ATP8A2: variants seen among roughly 807,000 people sequenced by gnomAD.
ATP8A2 encodes ATPase phospholipid transporting 8A2.
In ATP8A2, 100 loss-of-function variants were observed where a neutral mutation model predicts 165.6. The ratio of observed to expected loss-of-function variants is 0.60; its 90% CI spans 0.51 to 0.71. The LOEUF (loss-of-function observed/expected upper bound fraction) is 0.71. Ranked by LOEUF, ATP8A2 falls within the 30% of genes least tolerant of loss-of-function variation. The probability of loss-of-function intolerance (pLI) is 0.00; values close to 1 mark genes in which losing one functional copy is unlikely to be tolerated. For synonymous variants in ATP8A2, 543 were observed against 548.8 expected, an observed-to-expected ratio of 0.99 and a Z score of 0.15; for missense variants, 1,227 against 1,479.5, an observed-to-expected ratio of 0.83 and a Z score of 2.80.
intron 25 of ATP8A2, among the ~76,000 whole-genome samples, chr13:25,754,888 CA>C (rs1292055928): frequency 1.3e-5 from 2 of 152,010 alleles, no homozygotes; most frequent in Non-Finnish European, 2.9e-5. Flanking sequence ...TAGGCTTTTT[CA>C]AAATTTGTTT....
At chr13:25,884,362 C>T (rs1953076989) in intron 33 of ATP8A2, among the ~76,000 whole-genome samples, 1 of 152,186 alleles carries the variant, frequency 6.6e-6, no homozygotes, top group Admixed American at 6.5e-5. Flanking sequence ...CCCTGCCACT[C>T]ACCACCCACA....
intron 30 of ATP8A2, among the ~76,000 whole-genome samples, chr13:25,857,414 A>C (rs1026047053): frequency 6.6e-6 from 1 of 152,076 alleles, no homozygotes; most frequent in Admixed American, 6.5e-5. Context: ...TTACACTGTC[A>C]CCCAGGCTGG....
chr13:25,416,019 G>A (rs765124759), intron 1 of ATP8A2, among the ~76,000 whole-genome samples: 7 of 152,126 alleles, frequency 4.6e-5, no homozygotes, highest in Non-Finnish European at 1.0e-4. Flanking sequence ...GTAGAGATGA[G>A]GTCTTACTAT....
intron 25 of ATP8A2, among the ~76,000 whole-genome samples, chr13:25,744,165 ATTCT>A (rs2043977343): frequency 6.6e-6 from 1 of 152,122 alleles, no homozygotes; most frequent in Non-Finnish European, 1.5e-5. Context: ...CAATTGCCCG[ATTCT>A]TTTTCATTTT....
chr13:25,857,269 C>T (rs1274425116), intron 30 of ATP8A2, among the ~76,000 whole-genome samples: 1 of 152,226 alleles, frequency 6.6e-6, no homozygotes, highest in African/African-American at 2.4e-5. Flanking sequence ...AACTCTCTCC[C>T]TCGTACCATT....
At chr13:25,908,608 G>T (rs1184377201) in intron 33 of ATP8A2, among the ~76,000 whole-genome samples, 1 of 152,224 alleles carries the variant, frequency 6.6e-6, no homozygotes, top group African/African-American at 2.4e-5. Context: ...GGCTGCTACA[G>T]TTGCTGAATG....
At chr13:25,951,541 A>G (rs1955360756) in intron 33 of ATP8A2, among the ~76,000 whole-genome samples, 1 of 152,216 alleles carries the variant, frequency 6.6e-6, no homozygotes, top group Non-Finnish European at 1.5e-5. Flanking sequence ...GAAATGTTCT[A>G]TATTTTGTTT....
At chr13:25,646,494 A>G (rs527511670) in intron 24 of ATP8A2, among the ~76,000 whole-genome samples, 1 of 152,014 alleles carries the variant, frequency 6.6e-6, no homozygotes, top group South Asian at 2.1e-4. Context: ...TCTCTACTAA[A>G]AATACAAAAA....
chr13:25,746,417 G>A (rs2044032660), intron 25 of ATP8A2, among the ~76,000 whole-genome samples: 1 of 152,230 alleles, frequency 6.6e-6, no homozygotes, highest in Non-Finnish European at 1.5e-5. Context: ...GGCAAATAAA[G>A]TTCTGCAGAA....
chr13:25,557,260 C>G (rs1251988555), intron 13 of ATP8A2, among the ~76,000 whole-genome samples: 3 of 152,156 alleles, frequency 2.0e-5, no homozygotes, highest in Non-Finnish European at 4.4e-5. Context: ...TGGCACAGAG[C>G]ACAAATCCTC....
chr13:25,542,649 T>C (rs2038519178), intron 9 of ATP8A2, among the ~76,000 whole-genome samples: 1 of 152,100 alleles, frequency 6.6e-6, no homozygotes, highest in African/African-American at 2.4e-5. Flanking sequence ...CCTCTTGCAA[T>C]GTCCTTTATA....
chr13:25,598,327 G>T (rs554693434), intron 24 of ATP8A2, among the ~76,000 whole-genome samples: 6 of 152,010 alleles, frequency 3.9e-5, no homozygotes, highest in Non-Finnish European at 7.4e-5. Context: ...TGTTTTGGTC[G>T]TTTCAGGACC....
chr13:25,727,076 G>A (rs145527304), intron 25 of ATP8A2, among the ~76,000 whole-genome samples: 22 of 152,248 alleles, frequency 1.4e-4, no homozygotes, highest in African/African-American at 4.8e-4. Context: ...ATGCATGCAC[G>A]TGATGTAGAG....
chr13:25,437,323 A>G (rs558316116), intron 1 of ATP8A2, among the ~76,000 whole-genome samples: 2 of 152,316 alleles, frequency 1.3e-5, no homozygotes, highest in Admixed American at 1.3e-4. Context: ...TTCCAAGATG[A>G]CTTGGAAGGT....
In ATP8A2 at chr13:25,451,243, C is replaced by T. The variant is rs73473715; in HGVS notation, c.77-17734C>T. Among the ~76,000 whole-genome samples, 567 of 152,226 alleles carry T rather than the reference C, an allele frequency of 3.7e-3. 9 individuals carry two copies. The highest frequency in any genetic ancestry group is 0.013 in the African/African-American group (537 of 41,500). ...ATCTGCTATTAATCCCACATAGTGTCGTTTTCATTTCAGGTGTTCTAGTTT... is the reference window on the plus strand; with the variant it reads ...ATCTGCTATTAATCCCACATAGTGTTGTTTTCATTTCAGGTGTTCTAGTTT... On this transcript the variant is annotated intron_variant, in intron 1 of 36. Coordinates refer to ENST00000381655, the MANE Select transcript of ATP8A2 (RefSeq NM_016529.6).
At chr13:25,617,250 C>G (rs565971291) in intron 24 of ATP8A2, among the ~76,000 whole-genome samples, 27 of 152,228 alleles carry the variant, frequency 1.8e-4, no homozygotes, top group African/African-American at 6.5e-4. Context: ...TATAATCATA[C>G]AGTTATTATT....
At chr13:26,009,217 A>G (rs932743525) in intron 35 of ATP8A2, among the ~76,000 whole-genome samples, 2 of 152,228 alleles carry the variant, frequency 1.3e-5, no homozygotes, top group African/African-American at 4.8e-5. Context: ...ACCTTGAACC[A>G]CACATAAATA....
intron 2 of ATP8A2, among the ~76,000 whole-genome samples, chr13:25,505,477 T>C (rs1465093138): frequency 6.6e-6 from 1 of 152,252 alleles, no homozygotes; most frequent in South Asian, 2.1e-4. Flanking sequence ...TTCACACGTA[T>C]AATTTAACCT....
chr13:25,768,085 G>C (rs2044532307), intron 25 of ATP8A2, among the ~76,000 whole-genome samples: 1 of 130,884 alleles, frequency 7.6e-6, no homozygotes, highest in Non-Finnish European at 1.7e-5. Flanking sequence ...GTGGGGGGGG[G>C]GTGGTGGGGG....
Sources: gnomAD v4.1 joint callset for allele counts (sites outside exome capture counted in the v4.1 genomes callset) on GRCh38, gnomAD v4.1.1 for gene constraint, MANE v1.5 for transcripts, NCBI Gene and HGNC (gene_info 2026-07-23, HGNC 2026-07-21) for gene names.